RIMS2: variants seen among roughly 807,000 people sequenced by gnomAD.
RIMS2 encodes regulating synaptic membrane exocytosis 2.
A neutral mutation model predicts 174.4 loss-of-function variants in RIMS2; 59 were observed. The observed-to-expected ratio is 0.34, with a 90% CI of 0.27 to 0.42. The LOEUF (loss-of-function observed/expected upper bound fraction) is 0.42, where lower values mean the gene tolerates loss of function less well. Ranked by LOEUF, RIMS2 falls within the 10% of genes least tolerant of loss-of-function variation. RIMS2 has a pLI of 1.00. For missense variants in RIMS2, 1,620 were observed against 1,666.3 expected (o/e 0.97, Z 0.48); for synonymous variants, 606 against 572.5 (o/e 1.06, Z -0.84).
intron 3 of RIMS2, among the ~76,000 whole-genome samples, chr8:103,796,744 T>C: frequency 6.6e-6 from 1 of 152,218 alleles, no homozygotes; most frequent in East Asian, 1.9e-4. Context: ...TGTGAACAAA[T>C]AGACAAAACT....
intron 19 of RIMS2, chr8:104,223,502 G>C: frequency 1.4e-6 from 2 of 1,392,830 alleles, no homozygotes; most frequent in Non-Finnish European, 1.9e-6. Flanking sequence ...CCTCCGGGCT[G>C]GGTCAGGGAG....
chr8:104,125,116 C>T (rs1030452272), intron 19 of RIMS2, among the ~76,000 whole-genome samples: 2 of 151,944 alleles, frequency 1.3e-5, no homozygotes, highest in Non-Finnish European at 2.9e-5. Flanking sequence ...TTGTGCTGCC[C>T]GTGGTAAAGG....
intron 19 of RIMS2, among the ~76,000 whole-genome samples, chr8:104,050,962 G>A (rs946396802): frequency 3.3e-5 from 5 of 152,100 alleles, no homozygotes; most frequent in African/African-American, 7.2e-5. Context: ...TTGGCCATGC[G>A]TGGTAGTGCA....
At chr8:103,625,014 T>G (rs933585273) in intron 1 of RIMS2, among the ~76,000 whole-genome samples, 1 of 152,180 alleles carries the variant, frequency 6.6e-6, no homozygotes, top group Non-Finnish European at 1.5e-5. Context: ...AGAATCAGTT[T>G]ATATCCTGTC....
chr8:103,954,063 C>A (rs55759306), intron 14 of RIMS2, among the ~76,000 whole-genome samples: 19,323 of 152,130 alleles, frequency 0.13, 1,700 homozygotes, highest in Non-Finnish European at 0.19. Context: ...ACTATTCTAA[C>A]AATATATGCA....
intron 19 of RIMS2, among the ~76,000 whole-genome samples, chr8:104,083,145 C>T (rs1003483844): frequency 3.3e-5 from 5 of 152,082 alleles, no homozygotes; most frequent in Non-Finnish European, 7.4e-5. Flanking sequence ...TTATATTTGC[C>T]CTATCCCTGA....
chr8:103,823,852 T>A (rs1355889690), intron 3 of RIMS2, among the ~76,000 whole-genome samples: 1 of 152,076 alleles, frequency 6.6e-6, no homozygotes, highest in East Asian at 1.9e-4. Context: ...TTTTTCATAT[T>A]GCATGAAAAG....
chr8:103,829,089 T>TG (rs2098809365), intron 3 of RIMS2, among the ~76,000 whole-genome samples: 2 of 105,418 alleles, frequency 1.9e-5, no homozygotes, highest in South Asian at 5.3e-4. Context: ...ATAATAGGTT[T>TG]TTTTTTTTTT....
Position 104,076,821 on chromosome 8 carries a change from C to CTT in RIMS2, c.3334+62221_3334+62222dup, listed in dbSNP as rs759341615. Among the ~76,000 whole-genome samples, 1,251 of 140,342 alleles carry CTT rather than the reference C, an allele frequency of 8.9e-3. 26 individuals are homozygous for CTT. Among genetic ancestry groups the CTT allele is most frequent in the African/African-American group, 0.028 (1,057 of 38,380 alleles). The allele number at this position is 140,342 out of a possible 152,430, so 92.1% of individuals were successfully genotyped here. ...ACCTCCAAGGATTGTTTTCTTTTAT[C>CTT]TTTTTTTTTTTTTTTTACATAGTCT... On this transcript the variant is annotated intron_variant, in intron 19 of 23. Coordinates refer to ENST00000504942, the Ensembl canonical transcript of RIMS2.
intron 3 of RIMS2, among the ~76,000 whole-genome samples, chr8:103,785,917 G>A (rs2098439215): frequency 6.6e-6 from 1 of 152,144 alleles, no homozygotes; most frequent in Admixed American, 6.5e-5. Context: ...TTTTTGGTTG[G>A]TAAGCTATTG....
intron 1 of RIMS2, among the ~76,000 whole-genome samples, chr8:103,691,280 C>A (rs1046365590): frequency 6.6e-6 from 1 of 151,924 alleles, no homozygotes; most frequent in Admixed American, 6.6e-5. Context: ...GAACTTTTAC[C>A]CCATCTCTGT....
chr8:103,781,705 G>A (rs1033351008), intron 3 of RIMS2, among the ~76,000 whole-genome samples: 11 of 146,540 alleles, frequency 7.5e-5, no homozygotes, highest in African/African-American at 2.3e-4. Context: ...TATGCTTCAA[G>A]GTTTATTTCT....
intron 3 of RIMS2, among the ~76,000 whole-genome samples, chr8:103,807,435 TAA>T (rs912940818): frequency 6.6e-6 from 1 of 152,094 alleles, no homozygotes; most frequent in African/African-American, 2.4e-5. Flanking sequence ...AGTATGGATT[TAA>T]AAGAGGATGT....
chr8:104,008,948 C>A (rs1376725328), intron 17 of RIMS2, among the ~76,000 whole-genome samples: 1 of 151,842 alleles, frequency 6.6e-6, no homozygotes, highest in Admixed American at 6.6e-5. Context: ...GTGCACATTA[C>A]CTATTTGCTT....
At chr8:103,596,183 ATAT>A (rs1254321697) in intron 1 of RIMS2, among the ~76,000 whole-genome samples, 1 of 152,036 alleles carries the variant, frequency 6.6e-6, no homozygotes, top group Non-Finnish European at 1.5e-5. Flanking sequence ...ATTGTTCAAG[ATAT>A]TATCAGTGCT....
chr8:104,194,928 A>G (rs2099016539), intron 19 of RIMS2, among the ~76,000 whole-genome samples: 2 of 152,212 alleles, frequency 1.3e-5, no homozygotes, highest in African/African-American at 4.8e-5. Flanking sequence ...CACATAATTC[A>G]GTATTACTGA....
intron 1 of RIMS2, among the ~76,000 whole-genome samples, chr8:103,626,319 C>T (rs6987885): frequency 0.18 from 27,720 of 152,060 alleles, 2,781 homozygotes; most frequent in African/African-American, 0.26. Context: ...ATTACAATCA[C>T]TCTCTACTGC....
At chr8:103,819,565 GT>G in intron 3 of RIMS2, 1 of 1,613,532 alleles carries the variant, frequency 6.2e-7, no homozygotes, top group Non-Finnish European at 8.5e-7. Context: ...TTTTCATGGG[GT>G]TTTTTCATCC....
At position 103,566,166 on chromosome 8, in the gene RIMS2, A is replaced by G. The variant is rs192685899; in HGVS notation, c.176+65104A>G. On this transcript the variant is annotated intron_variant, in intron 1 of 23. Transcript: ENST00000504942. ...TACAATTTGAGTCAAATCCAGTGCCATGTTAGATCTAGCTTGTCTTAACTG... is the reference window on the plus strand; with the variant it reads ...TACAATTTGAGTCAAATCCAGTGCCGTGTTAGATCTAGCTTGTCTTAACTG... Among the ~76,000 whole-genome samples, 568 of 152,266 alleles carry G rather than the reference A, an allele frequency of 3.7e-3. 2 individuals carry two copies. The highest frequency in any genetic ancestry group is 0.017 in the Middle Eastern group (5 of 294).
Sources: gnomAD v4.1 joint callset for allele counts (sites outside exome capture counted in the v4.1 genomes callset) on GRCh38, gnomAD v4.1.1 for gene constraint, MANE v1.5 for transcripts, NCBI Gene and HGNC (gene_info 2026-07-23, HGNC 2026-07-21) for gene names.